SLC44A1: variants seen among roughly 807,000 people sequenced by gnomAD.
SLC44A1 encodes the protein choline transporter-like protein 1.
Under a neutral mutation model 79.3 loss-of-function variants are expected in SLC44A1, and 26 were observed. The ratio of observed to expected loss-of-function variants is 0.33; its 90% CI spans 0.24 to 0.46. The LOEUF is 0.46. SLC44A1 is among the 20% of genes least tolerant of loss of function. SLC44A1 has a pLI of 1.00. For synonymous variants in SLC44A1, 263 were observed against 286.2 expected, an observed-to-expected ratio of 0.92 and a Z score of 0.82; for missense variants, 688 against 798.1, an observed-to-expected ratio of 0.86 and a Z score of 1.66.
At chr9:105,381,548 GAA>G (rs564135508) in intron 13 of SLC44A1, among the ~76,000 whole-genome samples, 1 of 125,138 alleles carries the variant, frequency 8.0e-6, no homozygotes, top group Non-Finnish European at 1.7e-5. Context: ...ACTCTGTCTC[GAA>G]AAAAAAAAAG....
chr9:105,247,904 G>A (rs1829495862), intron 1 of SLC44A1, among the ~76,000 whole-genome samples: 1 of 152,130 alleles, frequency 6.6e-6, no homozygotes, highest in Non-Finnish European at 1.5e-5. Context: ...CTCAAACCTG[G>A]ACTGTTTAAG....
At chr9:105,325,274 A>T (rs1433191633) in intron 3 of SLC44A1, among the ~76,000 whole-genome samples, 2 of 152,224 alleles carry the variant, frequency 1.3e-5, no homozygotes, top group African/African-American at 4.8e-5. Context: ...TTCTCTTTAT[A>T]TGAAATGTAT....
intron 3 of SLC44A1, among the ~76,000 whole-genome samples, chr9:105,322,347 A>G (rs908523095): frequency 2.0e-5 from 3 of 152,180 alleles, no homozygotes; most frequent in African/African-American, 7.2e-5. Context: ...ATATGGGTAG[A>G]TGGGGCCAGT....
intron 13 of SLC44A1, among the ~76,000 whole-genome samples, chr9:105,380,415 C>T (rs1483938115): frequency 1.3e-5 from 2 of 152,062 alleles, no homozygotes; most frequent in East Asian, 3.9e-4. Context: ...GTCCTGGGCT[C>T]AAGCAGTCCT....
chr9:105,315,920 TTTA>T (rs1831311909), intron 3 of SLC44A1, among the ~76,000 whole-genome samples: 1 of 152,198 alleles, frequency 6.6e-6, no homozygotes, highest in Admixed American at 6.5e-5. Flanking sequence ...GAAAATTATG[TTTA>T]TTATTTTATT....
intron 4 of SLC44A1, among the ~76,000 whole-genome samples, chr9:105,344,729 A>G (rs1360063484): frequency 6.6e-6 from 1 of 152,198 alleles, no homozygotes; most frequent in East Asian, 1.9e-4. Flanking sequence ...AGACATTTCA[A>G]AGGCATAAGG....
chr9:105,341,385 G>T (rs542942042), intron 4 of SLC44A1, among the ~76,000 whole-genome samples: 275 of 151,224 alleles, frequency 1.8e-3, no homozygotes, highest in Non-Finnish European at 2.2e-3. Flanking sequence ...TAAAAGAACT[G>T]TGAATGCTAG....
At position 105,364,526 on chromosome 9, in the gene SLC44A1, T is replaced by G. The variant is rs761573641; in HGVS notation, c.1088-29T>G. The G allele has an allele frequency of 3.1e-5, 49 of 1,588,114 alleles. No homozygotes were observed. In the Admixed American group the frequency reaches 5.1e-4, roughly 17 times the overall value. On this transcript the variant is annotated intron_variant, in intron 9 of 15. Transcript: ENST00000374720. ...TTTCTGGATTTGTACTTTATGTGCTTCTTCTTTCCTTCCTTGATATTTTCC... is the reference window on the plus strand; with the variant it reads ...TTTCTGGATTTGTACTTTATGTGCTGCTTCTTTCCTTCCTTGATATTTTCC...
intron 12 of SLC44A1, among the ~76,000 whole-genome samples, chr9:105,368,691 A>G (rs558270321): frequency 1.3e-5 from 2 of 152,338 alleles, no homozygotes; most frequent in African/African-American, 4.8e-5. Flanking sequence ...ATACGCACAC[A>G]TCTCAAATTG....
intron 1 of SLC44A1, among the ~76,000 whole-genome samples, chr9:105,295,885 T>C (rs1290373468): frequency 6.6e-6 from 1 of 152,180 alleles, no homozygotes; most frequent in East Asian, 1.9e-4. Flanking sequence ...GTTTTGAATG[T>C]AGAAGACATA....
At chr9:105,249,075 G>A (rs10991598) in intron 1 of SLC44A1, among the ~76,000 whole-genome samples, 1 of 151,964 alleles carries the variant, frequency 6.6e-6, no homozygotes, top group Non-Finnish European at 1.5e-5. Context: ...TCTGTCTAGC[G>A]TTAGGAGACA....
intron 15 of SLC44A1, among the ~76,000 whole-genome samples, chr9:105,420,885 AAAAAG>A (rs2131515478): frequency 6.6e-6 from 1 of 150,796 alleles, no homozygotes; most frequent in African/African-American, 2.4e-5. Context: ...AAAAAAAAAA[AAAAAG>A]GATGGTCTAG....
chr9:105,431,610 T>G (rs979402676), intron 15 of SLC44A1, among the ~76,000 whole-genome samples: 1 of 152,164 alleles, frequency 6.6e-6, no homozygotes, highest in Non-Finnish European at 1.5e-5. Flanking sequence ...AAAAAGGGCA[T>G]GCGCCTGAAA....
In SLC44A1 at chr9:105,244,853, C is replaced by T; in HGVS notation, c.-16C>T. 1 of 1,134,140 alleles carries T rather than the reference C, an allele frequency of 8.8e-7. No individual in the cohort carries two copies. 70.3% of individuals were successfully genotyped at this position (1,134,140 alleles called of 1,614,324 possible). ...CTGCGCGCCCGGCGCCGCCTCCGGG[C>T]TCCTTCGGCCCCGCCATGGGCTGCT... On this transcript the variant is annotated 5_prime_UTR_variant, in exon 1 of 16. Coordinates refer to ENST00000374720, the MANE Select transcript of SLC44A1 (RefSeq NM_080546.5).
At position 105,389,900 on chromosome 9, in the gene SLC44A1, G is replaced by C. The variant is rs1227261113; in HGVS notation, c.*844G>C. 1.3e-6 allele frequency: 2 copies of C among 1,519,792 alleles called. No individual in the cohort carries two copies. Among genetic ancestry groups the C allele is most frequent in the African/African-American group, 2.8e-5 (2 of 71,864 alleles). 94.1% of individuals were successfully genotyped at this position (1,519,792 alleles called of 1,614,324 possible). ...CCTTTAAGTTTCTGTGTATTGATTT[G>C]CAGATTAAGTAATGCTGGGAGGAAT... On this transcript the variant is annotated 3_prime_UTR_variant, in exon 16 of 16. Coordinates refer to ENST00000374720, the MANE Select transcript of SLC44A1 (RefSeq NM_080546.5).
intron 1 of SLC44A1, among the ~76,000 whole-genome samples, chr9:105,275,290 G>A (rs547790185): frequency 8.5e-5 from 13 of 152,290 alleles, no homozygotes; most frequent in Admixed American, 6.5e-4. Context: ...GGAAAATAAT[G>A]TGTTTTACAG....
chr9:105,421,471 AT>A (rs1408089337), intron 15 of SLC44A1, among the ~76,000 whole-genome samples: 2 of 152,218 alleles, frequency 1.3e-5, no homozygotes, highest in Non-Finnish European at 2.9e-5. Context: ...AGCCACCGTC[AT>A]TAAAAGAGTT....
chr9:105,330,678 A>G (rs1826722853), intron 3 of SLC44A1, among the ~76,000 whole-genome samples: 1 of 152,130 alleles, frequency 6.6e-6, no homozygotes, highest in African/African-American at 2.4e-5. Flanking sequence ...CACCTTGTAG[A>G]CAGAGCATTT....
chr9:105,382,537 G>T (rs1225488237), intron 13 of SLC44A1, among the ~76,000 whole-genome samples: 1 of 152,142 alleles, frequency 6.6e-6, no homozygotes, highest in Non-Finnish European at 1.5e-5. Context: ...GTTTGTTGCA[G>T]CATTATTTAT....
Sources: gnomAD v4.1 joint callset for allele counts (sites outside exome capture counted in the v4.1 genomes callset) on GRCh38, gnomAD v4.1.1 for gene constraint, MANE v1.5 for transcripts, NCBI Gene and HGNC (gene_info 2026-07-23, HGNC 2026-07-21) for gene names.